Variants in CNTNAP5 observed in about 807,000 individuals in gnomAD.
CNTNAP5 encodes the protein contactin-associated protein-like 5.
Under a neutral mutation model 150.2 loss-of-function variants are expected in CNTNAP5, and 72 were observed. The observed-to-expected ratio is 0.48, with a 90% CI of 0.40 to 0.58. The LOEUF (loss-of-function observed/expected upper bound fraction) is 0.58. CNTNAP5 is among the 20% of genes least tolerant of loss of function. The pLI, the probability that CNTNAP5 is intolerant of heterozygous loss-of-function variation, is 0.00. For synonymous variants in CNTNAP5, 672 were observed against 619.8 expected (o/e 1.08, Z -1.25); for missense variants, 1,636 against 1,626.2 (o/e 1.01, Z -0.10).
At chr2:124,131,378 T>C (rs1683838986) in intron 1 of CNTNAP5, among the ~76,000 whole-genome samples, 1 of 152,200 alleles carries the variant, frequency 6.6e-6, no homozygotes. Context: ...CATTCAGTCC[T>C]GCCAACAATC....
chr2:124,574,752 G>A (rs1696239549), intron 11 of CNTNAP5, among the ~76,000 whole-genome samples: 1 of 152,172 alleles, frequency 6.6e-6, no homozygotes, highest in Non-Finnish European at 1.5e-5. Context: ...ACTTGACTAA[G>A]TTGTCATGAA....
intron 3 of CNTNAP5, among the ~76,000 whole-genome samples, chr2:124,387,801 C>T (rs897891828): frequency 4.6e-5 from 7 of 152,304 alleles, no homozygotes; most frequent in African/African-American, 9.6e-5. Context: ...GATGGCTTGG[C>T]TTGGGCTCAG....
chr2:124,157,150 A>C (rs1208866087), intron 1 of CNTNAP5, among the ~76,000 whole-genome samples: 1 of 147,404 alleles, frequency 6.8e-6, no homozygotes, highest in Non-Finnish European at 1.5e-5. Context: ...TCTTAACCTT[A>C]TTCTTGGTAT....
chr2:124,773,014 G>A lies in CNTNAP5; in HGVS notation c.2749G>A (p.Val917Ile), dbSNP rs1265347715. 6 of 1,612,056 alleles carry A rather than the reference G, an allele frequency of 3.7e-6. No homozygotes were observed. The highest frequency in any genetic ancestry group is 1.3e-5 in the African/African-American group (1 of 74,902). Residue 917 changes from valine to isoleucine, a missense_variant, in exon 17 of 24, where the codon GTA becomes ATA. By Grantham distance (29) the Val-to-Ile change is conservative (BLOSUM62 3). Coordinates refer to ENST00000682447, the MANE Select transcript of CNTNAP5 (RefSeq NM_001367498.1). The part of the protein sequence containing the change: ...FRLQLNSQLF[V>I]GGTSSRQKGF... ...ACTGCAGCTGAACAGCCAGTTGTTT[G>A]TAGGTAGGGGACATCTTAAGGCTCC... is the stretch of plus-strand genomic sequence containing the variant.
chr2:124,113,321 T>C (rs928388620), intron 1 of CNTNAP5, among the ~76,000 whole-genome samples: 9 of 152,224 alleles, frequency 5.9e-5, no homozygotes, highest in African/African-American at 2.2e-4. Context: ...CACCTTTCTT[T>C]ATAGGTGTTA....
At chr2:124,085,027 T>C (rs1398458952) in intron 1 of CNTNAP5, among the ~76,000 whole-genome samples, 1 of 146,736 alleles carries the variant, frequency 6.8e-6, no homozygotes, top group Non-Finnish European at 1.5e-5. Context: ...GTTGAAGCAA[T>C]TCTCCTGCCT....
chr2:124,881,552 C>T (rs1677964937), intron 21 of CNTNAP5, among the ~76,000 whole-genome samples: 1 of 152,062 alleles, frequency 6.6e-6, no homozygotes, highest in South Asian at 2.1e-4. Context: ...GCTCTCCAGT[C>T]CTGCTCAGCT....
At chr2:124,264,972 C>T (rs748319029) in intron 3 of CNTNAP5, among the ~76,000 whole-genome samples, 4 of 152,196 alleles carry the variant, frequency 2.6e-5, no homozygotes, top group Non-Finnish European at 2.9e-5. Flanking sequence ...CTGAAAGCCA[C>T]ATGAAGCGTC....
intron 13 of CNTNAP5, among the ~76,000 whole-genome samples, chr2:124,730,128 T>A (rs965182051): frequency 6.6e-6 from 1 of 152,078 alleles, no homozygotes; most frequent in Non-Finnish European, 1.5e-5. Context: ...AATGAAGACT[T>A]GCACCATGTT....
intron 13 of CNTNAP5, among the ~76,000 whole-genome samples, chr2:124,703,126 CCT>C (rs1679557780): frequency 6.7e-6 from 1 of 148,604 alleles, no homozygotes; most frequent in South Asian, 2.1e-4. Context: ...TCCCTCCCTC[CCT>C]GTCTCCCTCC....
intron 1 of CNTNAP5, among the ~76,000 whole-genome samples, chr2:124,198,866 T>C (rs1237426662): frequency 2.5e-5 from 1 of 39,234 alleles, no homozygotes; most frequent in South Asian, 7.2e-4. Flanking sequence ...ACATGATTTC[T>C]TTTTTTTTTT....
Position 124,144,011 on chromosome 2 carries a change from G to A in CNTNAP5, c.83-77694G>A, listed in dbSNP as rs1221292191. 2.0e-5 allele frequency among the ~76,000 whole-genome samples: 3 copies of A among 151,610 alleles called. No individual in the cohort carries two copies. The East Asian group carries it at 5.8e-4, about 30-fold the overall frequency. On this transcript the variant is annotated intron_variant, in intron 1 of 23. Coordinates refer to ENST00000682447, the MANE Select transcript of CNTNAP5 (RefSeq NM_001367498.1). Reference sequence around the variant, plus strand: ...TATACAACAACAACAGACAAACAGAGAGCCAAATCATGAGTGAACTCCCAT... The same window carrying A: ...TATACAACAACAACAGACAAACAGAAAGCCAAATCATGAGTGAACTCCCAT...
intron 13 of CNTNAP5, among the ~76,000 whole-genome samples, chr2:124,679,023 C>T (rs1448753108): frequency 6.6e-6 from 1 of 151,918 alleles, no homozygotes; most frequent in Non-Finnish European, 1.5e-5. Context: ...TGCAACAAAC[C>T]TGTTTCAGGC....
chr2:124,678,189 A>G (rs1416704011), intron 13 of CNTNAP5, among the ~76,000 whole-genome samples: 1 of 151,792 alleles, frequency 6.6e-6, no homozygotes, highest in Admixed American at 6.7e-5. Flanking sequence ...CCTAATGATG[A>G]CATTGTTCAT....
At chr2:124,481,321 G>C (rs1693758647) in intron 7 of CNTNAP5, among the ~76,000 whole-genome samples, 2 of 152,208 alleles carry the variant, frequency 1.3e-5, no homozygotes, top group Non-Finnish European at 2.9e-5. Context: ...ATTTCAGGAA[G>C]GGGAGGATAA....
At chr2:124,408,735 T>C (rs1387670075) in intron 3 of CNTNAP5, among the ~76,000 whole-genome samples, 199 of 150,582 alleles carry the variant, frequency 1.3e-3, no homozygotes, top group Non-Finnish European at 2.3e-3. Context: ...AACCCATCTG[T>C]ACATCACCAT....
intron 7 of CNTNAP5, among the ~76,000 whole-genome samples, chr2:124,486,166 A>T (rs570086655): frequency 6.6e-6 from 1 of 152,334 alleles, no homozygotes; most frequent in Admixed American, 6.5e-5. Flanking sequence ...CCTGGATGGA[A>T]TTAGAGACTA....
intron 19 of CNTNAP5, among the ~76,000 whole-genome samples, chr2:124,862,766 C>T (rs1393097042): frequency 6.6e-6 from 1 of 152,152 alleles, no homozygotes; most frequent in African/African-American, 2.4e-5. Context: ...GTCAAACTTA[C>T]TTTGAAAAGT....
chr2:124,248,609 G>T (rs544990729), intron 3 of CNTNAP5, among the ~76,000 whole-genome samples: 151 of 152,306 alleles, frequency 9.9e-4, no homozygotes, highest in African/African-American at 3.6e-3. Flanking sequence ...GCCCATGAAA[G>T]CTCCTCACTG....
Sources: allele counts gnomAD v4.1 joint callset (sites outside exome capture counted in the v4.1 genomes callset), GRCh38; gene constraint gnomAD v4.1.1; transcripts MANE v1.5; gene names NCBI Gene and HGNC (gene_info 2026-07-23, HGNC 2026-07-21).